Variants in NPAT observed in about 807,000 individuals in gnomAD.
NPAT encodes nuclear protein, coactivator of histone transcription, also known as protein NPAT.
A neutral mutation model predicts 130.7 loss-of-function variants in NPAT; 52 were observed. That is an observed-to-expected ratio of 0.40 (90% confidence interval 0.32 to 0.50). NPAT has a LOEUF of 0.50. Among genes scored for constraint, NPAT ranks in the 20% least tolerant of loss-of-function variants. The pLI, the probability that NPAT is intolerant of heterozygous loss-of-function variation, is 0.68. For missense variants in NPAT, 1,687 were observed against 1,662.6 expected (o/e 1.01, Z -0.26); for synonymous variants, 580 against 584.8 (o/e 0.99, Z 0.12).
rs975108947 is a variant in NPAT, at chr11:108,173,501, G to T, written c.1483C>A (p.Pro495Thr). The change falls in exon 13 of 18, where the codon CCG becomes ACG. Residue 495 changes from proline to threonine, a missense_variant. Pro to Thr is a conservative substitution (Grantham distance 38). This residue lies in a region of NPAT where 1,379 missense variants were observed against 1,346.6 expected (regional missense o/e 1.02). Coordinates refer to ENST00000278612, the MANE Select transcript of NPAT (RefSeq NM_002519.3). ...IEKNSLSSNV[P>T]SESQLQPDQP... ...TCAGGCTGTAACTGAGATTCACTCG[G>T]TACATTTGAAGACAAAGAGTTCTTT... 1.9e-6 allele frequency: 3 copies of T among 1,613,978 alleles called. No individual in the cohort carries two copies. Among genetic ancestry groups the T allele is most frequent in the African/African-American group, 1.3e-5 (1 of 74,912 alleles).
chr11:108,169,751 A>C lies in NPAT; in HGVS notation c.3003T>G (p.Pro1001=), dbSNP rs753222408. 1 of 1,603,870 alleles carries C rather than the reference A, an allele frequency of 6.2e-7. No homozygotes were observed. The highest frequency in any genetic ancestry group is 8.5e-7 in the Non-Finnish European group (1 of 1,170,658). ...TGAAATTAAAAATGGTACCTATACAAGGCTTGTTTCTTAGTCCCTGAGCCT... is the reference window on the plus strand; with the variant it reads ...TGAAATTAAAAATGGTACCTATACACGGCTTGTTTCTTAGTCCCTGAGCCT... ...SQKAQGLRNK[P]CIGKQVNNLV... Residue 1001 remains proline, a synonymous_variant, in exon 15 of 18, where the codon CCT becomes CCG. Coordinates refer to ENST00000278612, the MANE Select transcript of NPAT (RefSeq NM_002519.3).
At chr11:108,185,546 TTTA>T in intron 8 of NPAT, 52 bp from the exon 9 acceptor site, 1 of 1,156,060 alleles carries the variant, frequency 8.7e-7, no homozygotes, top group Non-Finnish European at 1.3e-6. Context: ...TATTCTGCTA[TTTA>T]ATATTTATAA....
intron 1 of NPAT, among the ~76,000 whole-genome samples, chr11:108,199,001 C>G (rs2078249766): frequency 6.6e-6 from 1 of 152,214 alleles, no homozygotes; most frequent in African/African-American, 2.4e-5. Flanking sequence ...CAACAGGAAG[C>G]AGGAGTGGGG....
intron 10 of NPAT, among the ~76,000 whole-genome samples, chr11:108,179,258 A>G (rs1227333066): frequency 3.3e-5 from 5 of 152,218 alleles, no homozygotes; most frequent in Non-Finnish European, 7.3e-5. Flanking sequence ...GCTAATTTTC[A>G]TCTTATAAAT....
At chr11:108,184,201 G>A (rs1272868606) in intron 10 of NPAT, among the ~76,000 whole-genome samples, 6 of 152,020 alleles carry the variant, frequency 3.9e-5, no homozygotes, top group Admixed American at 6.6e-5. Flanking sequence ...GGCCGGGCAC[G>A]GTGGCTCACA....
At position 108,161,617 on chromosome 11, in the gene NPAT, G is replaced by A; in HGVS notation, c.3469C>T (p.Leu1157Phe). The change falls in exon 17 of 18, where the codon CTT becomes TTT. Residue 1157 changes from leucine to phenylalanine, a missense_variant. Physicochemically the swap from Leu to Phe is conservative, Grantham distance 22. This residue lies in a region of NPAT where 1,379 missense variants were observed against 1,346.6 expected (regional missense o/e 1.02). Coordinates refer to ENST00000278612, the MANE Select transcript of NPAT (RefSeq NM_002519.3). ...GCTGTTGCTTTATGGAAAGATTCAA[G>A]CACAATTTCTGTTGGTGAAACTTTC... Reference protein sequence around the residue: ...EKKVSPTEIVLESFHKATANK... With the variant: ...EKKVSPTEIVFESFHKATANK... 1 of 1,614,072 alleles carries A rather than the reference G, an allele frequency of 6.2e-7. No homozygotes were observed. The highest frequency in any genetic ancestry group is 1.1e-5 in the South Asian group (1 of 91,084).
At chr11:108,176,963 T>A (rs1164464509) in intron 11 of NPAT, 31 bp downstream of exon 11, 1 of 1,417,190 alleles carries the variant, frequency 7.1e-7, no homozygotes, top group South Asian at 1.1e-5. Flanking sequence ...GAAGCCTTTT[T>A]TTTCTGTCTT....
intron 15 of NPAT, among the ~76,000 whole-genome samples, chr11:108,165,796 G>A (rs1342526538): frequency 4.6e-5 from 7 of 151,882 alleles, no homozygotes; most frequent in Non-Finnish European, 1.0e-4. Context: ...ACCACGCCTG[G>A]CTAATTTTTT....
intron 5 of NPAT, among the ~76,000 whole-genome samples, chr11:108,190,022 G>A (rs955357100): frequency 1.4e-4 from 21 of 149,834 alleles, no homozygotes; most frequent in Non-Finnish European, 1.8e-4. Flanking sequence ...TTAGAAAAAC[G>A]GTAGTTTGGC....
chr11:108,201,098 T>C (rs923127749), intron 1 of NPAT, among the ~76,000 whole-genome samples: 3 of 152,162 alleles, frequency 2.0e-5, no homozygotes, highest in Non-Finnish European at 4.4e-5. Flanking sequence ...AGGAGGACAG[T>C]AAGGCTTGTC....
intron 1 of NPAT, among the ~76,000 whole-genome samples, chr11:108,199,560 A>C (rs2134877995): frequency 6.6e-6 from 1 of 152,274 alleles, no homozygotes; most frequent in African/African-American, 2.4e-5. Flanking sequence ...TCTTGCCTTC[A>C]CATTTTTTTT....
intron 15 of NPAT, among the ~76,000 whole-genome samples, chr11:108,167,309 T>C (rs1385453677): frequency 6.6e-6 from 1 of 152,200 alleles, no homozygotes; most frequent in East Asian, 1.9e-4. Context: ...CCTCCTGGAC[T>C]TAAGCAATCC....
chr11:108,206,690 A>C (rs1448171033), intron 1 of NPAT, among the ~76,000 whole-genome samples: 1 of 152,162 alleles, frequency 6.6e-6, no homozygotes, highest in Non-Finnish European at 1.5e-5. Flanking sequence ...GTGGTGAGCA[A>C]GGGGGCATGT....
chr11:108,191,030 C>A (rs566814282), intron 4 of NPAT, among the ~76,000 whole-genome samples: 1 of 152,082 alleles, frequency 6.6e-6, no homozygotes, highest in Non-Finnish European at 1.5e-5. Flanking sequence ...ATCACACCAC[C>A]GCATTCCAGC....
At chr11:108,195,977 A>G (rs1237369625) in intron 2 of NPAT, among the ~76,000 whole-genome samples, 1 of 152,184 alleles carries the variant, frequency 6.6e-6, no homozygotes, top group Non-Finnish European at 1.5e-5. Context: ...TTAATTTTTT[A>G]TAAAGTTGAA....
At chr11:108,194,353 TAC>T (rs1297758781) in intron 2 of NPAT, among the ~76,000 whole-genome samples, 3 of 152,196 alleles carry the variant, frequency 2.0e-5, no homozygotes, top group African/African-American at 7.2e-5. Context: ...TTAAAATAAC[TAC>T]AGTGTCATAC....
In NPAT at chr11:108,162,465, C is replaced by CT. The variant is rs367898238; in HGVS notation, c.3011-286dup. Among the ~76,000 whole-genome samples, 910 of 152,342 alleles carry CT rather than the reference C, an allele frequency of 6.0e-3. 10 individuals are homozygous for CT. Among genetic ancestry groups the CT allele is most frequent in the African/African-American group, 0.021 (862 of 41,568 alleles). ...TGTTTTTCTGAGACAGAGTCATGCT[C>CT]TATCACCCAGGCTGGAGCGCAGTGG... On this transcript the variant is annotated intron_variant, in intron 15 of 17. Coordinates refer to ENST00000278612, the MANE Select transcript of NPAT (RefSeq NM_002519.3).
intron 15 of NPAT, among the ~76,000 whole-genome samples, chr11:108,169,300 A>C (rs1309140306): frequency 6.6e-6 from 1 of 152,194 alleles, no homozygotes; most frequent in African/African-American, 2.4e-5. Context: ...CATTGCTTAG[A>C]AGCTGTTAGA....
At chr11:108,171,666 T>C (rs1232035480) in intron 13 of NPAT, 1 of 152,818 alleles carries the variant, frequency 6.5e-6, no homozygotes, top group Non-Finnish European at 1.5e-5. Flanking sequence ...TTTGTATTTT[T>C]AGTAGAAATG....
Sources: allele counts gnomAD v4.1 joint callset (sites outside exome capture counted in the v4.1 genomes callset), GRCh38; gene constraint gnomAD v4.1.1; regional missense constraint gnomAD v4.1.1; transcripts MANE v1.5; gene names NCBI Gene and HGNC (gene_info 2026-07-23, HGNC 2026-07-21).